The following EPHA10 variants were observed in gnomAD, a reference collection of about 807,000 sequenced individuals.
EPHA10 encodes ephrin type-A receptor 10.
EPHA10 carries 120 observed loss-of-function variants against 109.7 expected under a neutral mutation model. The observed-to-expected ratio is 1.09, with a 90% CI of 0.94 to 1.27. The LOEUF (loss-of-function observed/expected upper bound fraction) is 1.27. Ranked by LOEUF, EPHA10 falls within the 50% of genes most tolerant of loss-of-function variation. The pLI, the probability that EPHA10 is intolerant of heterozygous loss-of-function variation, is 0.00. For synonymous variants in EPHA10, 640 were observed against 618.9 expected (o/e 1.03, Z -0.51); for missense variants, 1,396 against 1,411.1 (o/e 0.99, Z 0.17).
In EPHA10 at chr1:37,761,627, G is replaced by A; in HGVS notation, c.628C>T (p.Gln210Ter). 2 of 1,604,808 alleles carry A rather than the reference G, an allele frequency of 1.2e-6. No homozygotes were observed. Among genetic ancestry groups the A allele is most frequent in the Non-Finnish European group, 1.7e-6 (2 of 1,179,636 alleles). ...AGGCCCCGCACGGTGGCGCGGCACT[G>A]CTTGTAGTAGACGCGCACCGAGACA... ...ALVSVRVYYK[Q>*]CRATVRGLAT... The change falls in exon 3 of 17, where the codon CAG becomes TAG. Residue 210 changes from glutamine (Q) to a stop codon, truncating the protein, a stop_gained. Transcript: ENST00000373048. LOFTEE classifies it high-confidence loss of function.
In EPHA10 at chr1:37,761,413, A is replaced by G. The variant is rs1553141187; in HGVS notation, c.842T>C (p.Phe281Ser). Residue 281 changes from phenylalanine (F) to serine (S), a missense_variant, in exon 3 of 17, where the codon TTC becomes TCC. Physicochemically the swap from Phe to Ser is radical, Grantham distance 155. Transcript: ENST00000373048. ...CSAGFQERGD[F>S]CEACPPGFYK... is the part of the protein sequence containing the mutation. ...CCCAGCCAACTGGATACCTTCGCAG[A>G]AGTCACCACGCTCCTGGAATCCCGC... The G allele has an allele frequency of 4.4e-6, 7 of 1,598,844 alleles. No individual in the cohort carries two copies. The South Asian group carries it at 7.7e-5, about 18-fold the overall frequency.
In EPHA10 at chr1:37,754,407, C is replaced by T. The variant is rs1401641609; in HGVS notation, c.851-37G>A. Reference sequence around the variant, plus strand: ...GGCTGGTGAGAAGAGGGGGCTCCTCCAGTTTCTCCCCGCTTTCCTGACTGG... The same window carrying T: ...GGCTGGTGAGAAGAGGGGGCTCCTCTAGTTTCTCCCCGCTTTCCTGACTGG... On this transcript the variant is annotated intron_variant, in intron 3 of 16. Coordinates refer to ENST00000373048, the MANE Select transcript of EPHA10 (RefSeq NM_001099439.2). This position sits in a 1 kb window ranked among gnomAD's most constrained non-coding sequence, Gnocchi z 4.5. The T allele has an allele frequency of 7.8e-7, 1 of 1,275,274 alleles. No individual in the cohort carries two copies. Among genetic ancestry groups the T allele is most frequent in the Non-Finnish European group, 9.9e-7 (1 of 1,007,378 alleles). The allele number at this position is 1,275,274 out of a possible 1,614,324, so 79.0% of individuals were successfully genotyped here.
At chr1:37,757,656 C>T (rs2148368889) in intron 3 of EPHA10, among the ~76,000 whole-genome samples, 1 of 152,298 alleles carries the variant, frequency 6.6e-6, no homozygotes. Flanking sequence ...GGTTTGGGTT[C>T]CTGAGTCTCT....
chr1:37,716,064 C>A lies in EPHA10; in HGVS notation c.*2308G>T. 1.9e-6 allele frequency: 1 copy of A among 529,160 alleles called. No homozygotes were observed. Among genetic ancestry groups the A allele is most frequent in the Non-Finnish European group, 3.6e-6 (1 of 277,986 alleles). The allele number at this position is 529,160 out of a possible 1,614,324, so 32.8% of individuals were successfully genotyped here. A position where few individuals can be genotyped will look rare whatever the true frequency, so the allele number is the denominator to read the frequency against. ...GAACCCCCTCCGACTGGCCCCCTCC[C>A]TCCCAGGGTGAGCTCAGACCAGGGT... On this transcript the variant is annotated 3_prime_UTR_variant, in exon 17 of 17. Coordinates refer to ENST00000373048, the MANE Select transcript of EPHA10 (RefSeq NM_001099439.2).
intron 5 of EPHA10, among the ~76,000 whole-genome samples, chr1:37,752,265 T>C (rs1434970386): frequency 6.6e-6 from 1 of 152,106 alleles, no homozygotes; most frequent in Non-Finnish European, 1.5e-5. Flanking sequence ...CTCAGAGATG[T>C]ATTGGCTGGT....
intron 7 of EPHA10, among the ~76,000 whole-genome samples, 192 bp downstream of exon 7, chr1:37,731,219 G>A (rs183118647): frequency 2.6e-5 from 4 of 152,164 alleles, no homozygotes; most frequent in East Asian, 3.9e-4. Context: ...AATTCACGTC[G>A]GTGAACAGGC....
At chr1:37,738,882 T>TA (rs35252482) in intron 5 of EPHA10, among the ~76,000 whole-genome samples, 47,899 of 152,020 alleles carry the variant, frequency 0.32, 7,895 homozygotes, top group East Asian at 0.48. Flanking sequence ...ACCATCATTC[T>TA]AAGCAAACTG....
Position 37,754,319 on chromosome 1 carries a change from G to A in EPHA10, c.902C>T (p.Pro301Leu). The A allele has an allele frequency of 1.5e-6, 2 of 1,319,878 alleles. No individual in the cohort carries two copies. Among genetic ancestry groups the A allele is most frequent in the Non-Finnish European group, 1.9e-6 (2 of 1,029,034 alleles). The allele number at this position is 1,319,878 out of a possible 1,614,324, so 81.8% of individuals were successfully genotyped here. ...CAGGGCCCGGCTGTGCTCTGGGCAC[G>A]GTGAGCAGAGGGGCCGCCGCGGGGA... ...KVSPRRPLCSPCPEHSRALEN... is the reference protein window; with the variant it reads ...KVSPRRPLCSLCPEHSRALEN... The change falls in exon 4 of 17, where the codon CCG (proline) becomes CTG (leucine). Residue 301 changes from proline (P) to leucine (L), a missense_variant. Physicochemically the swap from Pro to Leu is moderately conservative, Grantham distance 98. Coordinates refer to ENST00000373048, the MANE Select transcript of EPHA10 (RefSeq NM_001099439.2). The surrounding 1 kb of genome is among the most constrained non-coding windows in gnomAD (Gnocchi z 4.5).
chr1:37,735,203 C>T, intron 6 of EPHA10, 54 bp downstream of exon 6: 3 of 1,552,158 alleles, frequency 1.9e-6, no homozygotes, highest in Non-Finnish European at 2.6e-6. Flanking sequence ...GAACCAGAAG[C>T]CCTGCGGGAC....
chr1:37,717,636 G>A lies in EPHA10; in HGVS notation c.*736C>T. The A allele has an allele frequency of 4.3e-6, 1 of 231,534 alleles. No individual in the cohort carries two copies. Among genetic ancestry groups the A allele is most frequent in the East Asian group, 6.1e-5 (1 of 16,356 alleles). The allele number at this position is 231,534 out of a possible 1,614,324, so 14.3% of individuals were successfully genotyped here. On this transcript the variant is annotated 3_prime_UTR_variant, in exon 17 of 17. Coordinates refer to ENST00000373048, the MANE Select transcript of EPHA10 (RefSeq NM_001099439.2). ...AAGTTCATAAAAGGAATGCACACGAGGGCCTCATGGGGCCCCAGGGAGCAC... is the reference window on the plus strand; with the variant it reads ...AAGTTCATAAAAGGAATGCACACGAAGGCCTCATGGGGCCCCAGGGAGCAC...
intron 6 of EPHA10, among the ~76,000 whole-genome samples, chr1:37,734,953 C>T (rs1369092674): frequency 2.6e-5 from 4 of 152,150 alleles, no homozygotes; most frequent in Non-Finnish European, 5.9e-5. Context: ...ACAAATGATA[C>T]GTATAAGATT....
At chr1:37,741,840 T>C (rs543314309) in intron 5 of EPHA10, among the ~76,000 whole-genome samples, 1 of 148,506 alleles carries the variant, frequency 6.7e-6, no homozygotes, top group Admixed American at 6.7e-5. Context: ...CGAGGAAGAG[T>C]GCTCTTCCCT....
chr1:37,731,290 C>T (rs554578345), intron 7 of EPHA10, 121 bp downstream of exon 7: 4 of 1,108,750 alleles, frequency 3.6e-6, no homozygotes, highest in Non-Finnish European at 5.0e-6. Flanking sequence ...AACTGTTCTG[C>T]AGGCTCCCTT....
intron 15 of EPHA10, 96 bp downstream of exon 15, chr1:37,719,318 A>G: frequency 1.4e-6 from 2 of 1,386,132 alleles, no homozygotes; most frequent in Non-Finnish European, 2.0e-6. Flanking sequence ...GCTCTTGGAC[A>G]GGTGGGGTGG....
downstream of EPHA10, chr1:37,714,878 G>C (rs1013341232): frequency 6.6e-6 from 1 of 152,342 alleles, no homozygotes; most frequent in Non-Finnish European, 1.5e-5. Context: ...CAGAGCTGTG[G>C]GACAGTAAAT....
intron 7 of EPHA10, among the ~76,000 whole-genome samples, chr1:37,728,795 G>A (rs1645935628): frequency 6.6e-6 from 1 of 152,140 alleles, no homozygotes; most frequent in South Asian, 2.1e-4. Context: ...GGGCATTTCA[G>A]AGCCCAGGGT....
chr1:37,752,797 G>A (rs1646348156), intron 5 of EPHA10, 79 bp downstream of exon 5: 3 of 1,067,106 alleles, frequency 2.8e-6, no homozygotes, highest in Admixed American at 4.5e-5. Flanking sequence ...GGCTCCCGCA[G>A]GACCGACGGG....
At position 37,754,252 on chromosome 1, in the gene EPHA10, C is replaced by A. The variant is rs1414047256; in HGVS notation, c.969G>T (p.Ala323=). Residue 323 remains alanine, a synonymous_variant, in exon 4 of 17, where the codon GCG becomes GCT. Coordinates refer to ENST00000373048, the MANE Select transcript of EPHA10 (RefSeq NM_001099439.2). This position sits in a 1 kb window ranked among gnomAD's most constrained non-coding sequence, Gnocchi z 4.5. The part of the protein sequence containing the change: ...STFCVCQDSY[A]RSPTDPPSAS... ...CCGAGGGCGGGTCGGTGGGTGAGCG[C>A]GCATAGCTGTCCTGGCACACGCAGA... is the stretch of plus-strand genomic sequence containing the variant. 2.3e-6 allele frequency: 3 copies of A among 1,321,450 alleles called. No individual in the cohort carries two copies. The highest frequency in any genetic ancestry group is 2.9e-6 in the Non-Finnish European group (3 of 1,029,628). 81.9% of individuals were successfully genotyped at this position (1,321,450 alleles called of 1,614,324 possible).
chr1:37,724,804 T>TCC (rs942998238), intron 8 of EPHA10, among the ~76,000 whole-genome samples: 2 of 152,188 alleles, frequency 1.3e-5, no homozygotes, highest in African/African-American at 4.8e-5. Flanking sequence ...GGGACCTGCT[T>TCC]CCCAGCATCT....
Sources: allele counts gnomAD v4.1 joint callset (sites outside exome capture counted in the v4.1 genomes callset), GRCh38; gene constraint gnomAD v4.1.1; non-coding constraint Gnocchi (gnomAD v3.1); transcripts MANE v1.5; gene names NCBI Gene and HGNC (gene_info 2026-07-23, HGNC 2026-07-21).